Variants in OXSR1 observed in about 807,000 individuals in gnomAD.
OXSR1 encodes the protein oxidative stress responsive kinase 1, also known as serine/threonine-protein kinase OSR1.
OXSR1 carries 24 observed loss-of-function variants against 79.8 expected under a neutral mutation model. That is an observed-to-expected ratio of 0.30 (90% CI 0.22 to 0.42). The LOEUF (loss-of-function observed/expected upper bound fraction) is 0.42. OXSR1 is among the 10% of genes least tolerant of loss of function. The pLI is 1.00. For synonymous variants in OXSR1, 226 were observed against 209.2 expected (o/e 1.08, Z -0.69); for missense variants, 430 against 618.4 (o/e 0.70, Z 3.23).
chr3:38,233,729 C>A (rs1451684933), intron 10 of OXSR1, among the ~76,000 whole-genome samples: 1 of 151,510 alleles, frequency 6.6e-6, no homozygotes, highest in Admixed American at 6.6e-5. Context: ...TCCTGGGTAA[C>A]AAGGCAAGAC....
chr3:38,171,108 A>G (rs1166088853), intron 1 of OXSR1, among the ~76,000 whole-genome samples: 1 of 152,144 alleles, frequency 6.6e-6, no homozygotes, highest in African/African-American at 2.4e-5. Flanking sequence ...AGTGAAAAAA[A>G]TCTGATGGAT....
rs1388271523 is a variant in OXSR1 at position 38,252,817 on chromosome 3, G to C, written c.1510G>C (p.Ala504Pro). Residue 504 changes from alanine (A) to proline (P), a missense_variant and splice_region_variant, in exon 18 of 18, where the codon GCA becomes CCA. By Grantham distance (27) the Ala-to-Pro change is conservative. Around this residue, in one of 3 missense-constraint regions of OXSR1, gnomAD observed 276 missense variants for 354.2 expected, o/e 0.78. Coordinates refer to ENST00000311806, the MANE Select transcript of OXSR1 (RefSeq NM_005109.3). Reference protein sequence around the residue: ...QSNRSVTFKLASGVEGSDIPD... With the variant: ...QSNRSVTFKLPSGVEGSDIPD... ...GTTTCTCATTTTGTTTGGTTCTTAG[G>C]CATCTGGTGTCGAAGGCTCAGATAT... 1 of 1,610,446 alleles carries C rather than the reference G, an allele frequency of 6.2e-7. No individual in the cohort carries two copies. The highest frequency in any genetic ancestry group is 8.5e-7 in the Non-Finnish European group (1 of 1,176,876).
At chr3:38,218,865 C>T (rs1206739285) in intron 5 of OXSR1, among the ~76,000 whole-genome samples, 1 of 152,090 alleles carries the variant, frequency 6.6e-6, no homozygotes, top group Non-Finnish European at 1.5e-5. Context: ...CTGATTCCAC[C>T]TTCTATATTA....
At chr3:38,247,082 C>G (rs1277925424) in intron 13 of OXSR1, among the ~76,000 whole-genome samples, 1 of 151,840 alleles carries the variant, frequency 6.6e-6, no homozygotes. Context: ...ATCCCTCAAG[C>G]TTTCCATTTC....
intron 5 of OXSR1, among the ~76,000 whole-genome samples, chr3:38,216,663 C>G (rs1375448187): frequency 6.6e-6 from 1 of 152,068 alleles, no homozygotes; most frequent in East Asian, 1.9e-4. Flanking sequence ...TGAAACACCC[C>G]CTCCTCCAGG....
intron 10 of OXSR1, among the ~76,000 whole-genome samples, chr3:38,234,319 C>T (rs1211732851): frequency 6.6e-6 from 1 of 152,098 alleles, no homozygotes; most frequent in Non-Finnish European, 1.5e-5. Flanking sequence ...AGACAACCTA[C>T]AGAATGGGAA....
chr3:38,240,052 A>G (rs770145552), intron 11 of OXSR1, among the ~76,000 whole-genome samples: 4 of 152,142 alleles, frequency 2.6e-5, no homozygotes, highest in Non-Finnish European at 4.4e-5. Flanking sequence ...CTGTTTATTC[A>G]TCATGGCCTG....
intron 14 of OXSR1, 91 bp downstream of exon 14, chr3:38,247,823 A>G: frequency 5.4e-6 from 4 of 737,668 alleles, no homozygotes; most frequent in Non-Finnish European, 9.3e-6. Flanking sequence ...ACTGGATAGG[A>G]TTGTATGTCC....
intron 2 of OXSR1, among the ~76,000 whole-genome samples, chr3:38,183,811 T>A (rs1701830877): frequency 1.3e-5 from 2 of 152,220 alleles, no homozygotes; most frequent in South Asian, 4.1e-4. Context: ...TGTATTTTTT[T>A]TAGGCATTGT....
intron 1 of OXSR1, among the ~76,000 whole-genome samples, chr3:38,170,490 G>GTT (rs527654754): frequency 1.3e-5 from 2 of 149,244 alleles, no homozygotes; most frequent in Admixed American, 1.3e-4. Flanking sequence ...TTTTTTTCCT[G>GTT]TTTTTTTTTA....
At chr3:38,230,922 A>G (rs1381914030) in intron 10 of OXSR1, among the ~76,000 whole-genome samples, 1 of 152,232 alleles carries the variant, frequency 6.6e-6, no homozygotes, top group Non-Finnish European at 1.5e-5. Flanking sequence ...TGATACTTTT[A>G]TGAACCTCTG....
chr3:38,214,424 A>G (rs553158803), intron 4 of OXSR1, among the ~76,000 whole-genome samples: 5 of 152,324 alleles, frequency 3.3e-5, no homozygotes, highest in Admixed American at 2.6e-4. Context: ...ATATGATCAT[A>G]TAATACTCCT....
At chr3:38,223,253 G>GC (rs1702623928) in intron 6 of OXSR1, among the ~76,000 whole-genome samples, 1 of 151,950 alleles carries the variant, frequency 6.6e-6, no homozygotes, top group South Asian at 2.1e-4. Context: ...CTCCCGAGCA[G>GC]CTGGACTGTA....
intron 11 of OXSR1, among the ~76,000 whole-genome samples, chr3:38,242,220 T>C (rs1703050084): frequency 6.6e-6 from 1 of 152,166 alleles, no homozygotes; most frequent in African/African-American, 2.4e-5. Context: ...GGACCACCCG[T>C]GTTTCTTTAG....
At chr3:38,174,178 T>C (rs1701635934) in intron 1 of OXSR1, among the ~76,000 whole-genome samples, 1 of 152,230 alleles carries the variant, frequency 6.6e-6, no homozygotes, top group Non-Finnish European at 1.5e-5. Flanking sequence ...TGCTTGGTCC[T>C]GATTGTCAGG....
intron 1 of OXSR1, among the ~76,000 whole-genome samples, chr3:38,167,891 G>GTTT (rs10707866): frequency 1.3e-4 from 18 of 143,980 alleles, no homozygotes; most frequent in African/African-American, 4.4e-4. Flanking sequence ...TAAAAGAAGA[G>GTTT]TTTTTTTTTT....
chr3:38,179,282 G>C (rs1210931847), intron 1 of OXSR1, among the ~76,000 whole-genome samples: 2 of 151,988 alleles, frequency 1.3e-5, no homozygotes, highest in Non-Finnish European at 2.9e-5. Flanking sequence ...CATCCACCTT[G>C]GCCTCCCGAA....
rs146777500 is a variant in OXSR1 at position 38,208,772 on chromosome 3, C to T, written c.435-7324C>T. 7.5e-3 allele frequency among the ~76,000 whole-genome samples: 1,136 copies of T among 152,076 alleles called. 16 individuals are homozygous for T. The highest frequency in any genetic ancestry group is 0.025 in the African/African-American group (1,049 of 41,478). ...AAAAAGTTAGCTGGGTGTGGTGGCA[C>T]GCACCTGTAGTCCCAGCTACTTGGG... On this transcript the variant is annotated intron_variant, in intron 4 of 17. Transcript: ENST00000311806.
chr3:38,184,468 G>A (rs1701843388), intron 2 of OXSR1, among the ~76,000 whole-genome samples: 1 of 152,084 alleles, frequency 6.6e-6, no homozygotes, highest in African/African-American at 2.4e-5. Flanking sequence ...AAAAGAAGTC[G>A]ATAAACTGCG....
Sources: allele counts gnomAD v4.1 joint callset (sites outside exome capture counted in the v4.1 genomes callset), GRCh38; gene constraint gnomAD v4.1.1; regional missense constraint gnomAD v4.1.1; transcripts MANE v1.5; gene names NCBI Gene and HGNC (gene_info 2026-07-23, HGNC 2026-07-21).